The following DLG2 variants were observed in gnomAD, a reference collection of about 807,000 sequenced individuals.
DLG2 encodes discs large MAGUK scaffold protein 2, also known as disks large homolog 2.
A neutral mutation model predicts 132.5 loss-of-function variants in DLG2; 45 were observed. The ratio of observed to expected loss-of-function variants is 0.34; its 90% CI spans 0.27 to 0.44. The LOEUF (loss-of-function observed/expected upper bound fraction) is 0.44. DLG2 is among the 20% of genes least tolerant of loss of function. DLG2 has a pLI of 1.00. For synonymous variants in DLG2, 424 were observed against 419.6 expected (o/e 1.01, Z -0.13); for missense variants, 1,045 against 1,196.9 (o/e 0.87, Z 1.87).
At chr11:85,368,866 A>T (rs2084754939) in intron 3 of DLG2, among the ~76,000 whole-genome samples, 1 of 152,234 alleles carries the variant, frequency 6.6e-6, no homozygotes, top group South Asian at 2.1e-4. Flanking sequence ...TGCAGCAGAG[A>T]GGAGACTGAC....
chr11:84,811,903 A>G (rs1353780251), intron 6 of DLG2, among the ~76,000 whole-genome samples: 5 of 152,178 alleles, frequency 3.3e-5, no homozygotes, highest in Non-Finnish European at 7.3e-5. Context: ...TTCAGGAGCT[A>G]TGAACAGAGT....
At chr11:84,564,349 G>A (rs1418151545) in intron 6 of DLG2, among the ~76,000 whole-genome samples, 9 of 152,136 alleles carry the variant, frequency 5.9e-5, no homozygotes, top group Admixed American at 5.9e-4. Flanking sequence ...TTGGATCAGA[G>A]TCAACCTCAG....
intron 15 of DLG2, among the ~76,000 whole-genome samples, chr11:83,905,616 C>T (rs1320526123): frequency 6.6e-6 from 1 of 152,154 alleles, no homozygotes; most frequent in Non-Finnish European, 1.5e-5. Flanking sequence ...ACATGTTTAA[C>T]ATGGTCATTC....
intron 6 of DLG2, among the ~76,000 whole-genome samples, chr11:84,564,454 C>G (rs1179117733): frequency 6.6e-6 from 1 of 152,026 alleles, no homozygotes; most frequent in African/African-American, 2.4e-5. Flanking sequence ...TGTACTATTC[C>G]CTTATTGGGT....
At chr11:85,425,376 C>T (rs908751848) in intron 3 of DLG2, among the ~76,000 whole-genome samples, 3 of 151,662 alleles carry the variant, frequency 2.0e-5, no homozygotes, top group African/African-American at 4.8e-5. Context: ...GAGGTGCTAT[C>T]GGTAAAAATA....
At position 84,956,335 on chromosome 11, in the gene DLG2, C is replaced by T. The variant is rs568552847; in HGVS notation, c.357+155326G>A. On this transcript the variant is annotated intron_variant, in intron 6 of 27. Transcript: ENST00000376104. ...GAAGAAGGAAGCCCATACTTGGAGA[C>T]GATCTATCCTAAACATTACATTGGT... is the stretch of plus-strand genomic sequence containing the variant. 9.2e-5 allele frequency among the ~76,000 whole-genome samples: 14 copies of T among 152,286 alleles called. No individual in the cohort carries two copies. In the East Asian group the frequency reaches 9.7e-4, roughly 10 times the overall value.
At chr11:84,304,776 C>A (rs557771540) in intron 7 of DLG2, among the ~76,000 whole-genome samples, 1 of 152,188 alleles carries the variant, frequency 6.6e-6, no homozygotes, top group Non-Finnish European at 1.5e-5. Context: ...TGGAGCTACA[C>A]AAAACGAAGT....
chr11:84,520,232 T>C (rs920597864), intron 7 of DLG2, among the ~76,000 whole-genome samples: 2 of 152,226 alleles, frequency 1.3e-5, no homozygotes, highest in African/African-American at 2.4e-5. Context: ...AAAAATTGTA[T>C]GGACAAGTTC....
At chr11:84,280,299 A>G (rs2097840412) in intron 7 of DLG2, among the ~76,000 whole-genome samples, 1 of 117,408 alleles carries the variant, frequency 8.5e-6, no homozygotes, top group African/African-American at 3.1e-5. Context: ...ACTTAGGGAT[A>G]AACCTGATTT....
At chr11:84,921,310 C>A (rs1304927994) in intron 6 of DLG2, among the ~76,000 whole-genome samples, 3 of 152,072 alleles carry the variant, frequency 2.0e-5, no homozygotes, top group Non-Finnish European at 4.4e-5. Context: ...TAAAACTAAT[C>A]TACTCAAAGG....
intron 6 of DLG2, among the ~76,000 whole-genome samples, chr11:84,747,193 C>G (rs2093428556): frequency 6.6e-6 from 1 of 152,084 alleles, no homozygotes; most frequent in East Asian, 1.9e-4. Flanking sequence ...GAATAGGCAA[C>G]AAAAAGCATT....
At chr11:83,557,473 G>C (rs898665073) in intron 19 of DLG2, among the ~76,000 whole-genome samples, 2 of 152,116 alleles carry the variant, frequency 1.3e-5, no homozygotes, top group African/African-American at 4.8e-5. Context: ...GGAATTTCTC[G>C]TTACCTCCAA....
chr11:83,969,721 A>G (rs34133101), intron 12 of DLG2, among the ~76,000 whole-genome samples: 6,464 of 152,020 alleles, frequency 0.043, 195 homozygotes, highest in Non-Finnish European at 0.067. Flanking sequence ...TTACAGGCAT[A>G]TGCCACCACT....
At chr11:84,299,310 G>C (rs2154380638) in intron 7 of DLG2, among the ~76,000 whole-genome samples, 1 of 152,260 alleles carries the variant, frequency 6.6e-6, no homozygotes, top group African/African-American at 2.4e-5. Flanking sequence ...AAATTTGGCA[G>C]CAATATTCAT....
intron 21 of DLG2, among the ~76,000 whole-genome samples, chr11:83,484,945 A>G (rs113814605): frequency 6.6e-6 from 1 of 152,160 alleles, no homozygotes; most frequent in African/African-American, 2.4e-5. Context: ...TTTTATAGAC[A>G]GGGAGCCAGA....
intron 6 of DLG2, among the ~76,000 whole-genome samples, chr11:85,020,613 A>C (rs994001058): frequency 5.9e-5 from 9 of 152,120 alleles, no homozygotes; most frequent in African/African-American, 2.2e-4. Flanking sequence ...TTAAGTCTTT[A>C]ATCCATCTTG....
chr11:85,590,633 T>TTCTCTC (rs979440461), intron 3 of DLG2, among the ~76,000 whole-genome samples: 3 of 150,752 alleles, frequency 2.0e-5, no homozygotes, highest in Non-Finnish European at 4.4e-5. Flanking sequence ...TTTTTTTATA[T>TTCTCTC]TCTCTCTCTC....
intron 6 of DLG2, among the ~76,000 whole-genome samples, chr11:84,652,698 G>A (rs545606228): frequency 3.7e-4 from 56 of 152,194 alleles, no homozygotes; most frequent in African/African-American, 1.3e-3. Flanking sequence ...GAATACCAGG[G>A]ACCAGGCTCA....
At chr11:83,920,833 T>C (rs1430633664) in intron 15 of DLG2, among the ~76,000 whole-genome samples, 1 of 152,152 alleles carries the variant, frequency 6.6e-6, no homozygotes, top group Non-Finnish European at 1.5e-5. Context: ...TTCTAGAGTC[T>C]AGTTTCCTAA....
Sources: allele counts gnomAD v4.1 joint callset (sites outside exome capture counted in the v4.1 genomes callset), GRCh38; gene constraint gnomAD v4.1.1; transcripts MANE v1.5; gene names NCBI Gene and HGNC (gene_info 2026-07-23, HGNC 2026-07-21).